The following BRINP2 variants were observed in gnomAD, a reference collection of about 807,000 sequenced individuals.
The protein encoded by BRINP2 is BMP/retinoic acid inducible neural specific 2, also known as BMP/retinoic acid-inducible neural-specific protein 2.
In BRINP2, 21 loss-of-function variants were observed where a neutral mutation model predicts 69.2. The observed-to-expected ratio is 0.30, with a 90% confidence interval of 0.22 to 0.44. The LOEUF is 0.44. Among genes scored for constraint, BRINP2 ranks in the 20% least tolerant of loss-of-function variants. BRINP2 has a pLI of 1.00. For missense variants in BRINP2, 877 were observed against 986.0 expected (o/e 0.89, Z 1.48); for synonymous variants, 380 against 394.1 (o/e 0.96, Z 0.42).
intron 4 of BRINP2, among the ~76,000 whole-genome samples, chr1:177,265,125 G>T (rs1651077537): frequency 6.6e-6 from 1 of 152,116 alleles, no homozygotes; most frequent in Non-Finnish European, 1.5e-5. Context: ...CAATGGAACA[G>T]AACAGAGGCC....
chr1:177,192,611 TA>T (rs1648624903), intron 1 of BRINP2, among the ~76,000 whole-genome samples: 1 of 152,214 alleles, frequency 6.6e-6, no homozygotes, highest in Non-Finnish European at 1.5e-5. Flanking sequence ...CTCCCTGGTA[TA>T]GATGAGTTTC....
chr1:177,253,876 C>A (rs969707256), intron 2 of BRINP2, among the ~76,000 whole-genome samples: 2 of 151,946 alleles, frequency 1.3e-5, no homozygotes, highest in Admixed American at 1.3e-4. Context: ...CTATCATTTG[C>A]ATTTCATGGA....
At chr1:177,184,032 T>C (rs1648343116) in intron 1 of BRINP2, among the ~76,000 whole-genome samples, 1 of 152,212 alleles carries the variant, frequency 6.6e-6, no homozygotes, top group Non-Finnish European at 1.5e-5. Flanking sequence ...CAGTTCCCCA[T>C]ACACATCGAC....
chr1:177,202,117 G>A lies in BRINP2; in HGVS notation c.-76-27684G>A, dbSNP rs529026422. Among the ~76,000 whole-genome samples, 37 of 151,118 alleles carry A rather than the reference G, an allele frequency of 2.4e-4. 1 individual carries two copies. The highest frequency in any genetic ancestry group is 2.1e-3 in the South Asian group (10 of 4,766). Reference sequence around the variant, plus strand: ...TTTCTTCTTTATTAGTCTTGCTAGCGGTCTATCAATTTTGTTGATCTTTTC... The same window carrying A: ...TTTCTTCTTTATTAGTCTTGCTAGCAGTCTATCAATTTTGTTGATCTTTTC... On this transcript the variant is annotated intron_variant, in intron 1 of 7. Coordinates refer to ENST00000361539, the MANE Select transcript of BRINP2 (RefSeq NM_021165.4).
At chr1:177,212,344 G>A (rs993644388) in intron 1 of BRINP2, among the ~76,000 whole-genome samples, 8 of 152,144 alleles carry the variant, frequency 5.3e-5, no homozygotes, top group Non-Finnish European at 8.8e-5. Context: ...AGGAGATCGA[G>A]ACCATCCCAG....
At chr1:177,253,507 GTTTCC>G (rs758404365) in intron 2 of BRINP2, among the ~76,000 whole-genome samples, 1 of 152,042 alleles carries the variant, frequency 6.6e-6, no homozygotes, top group Admixed American at 6.6e-5. Flanking sequence ...TCGCTCTGTT[GTTTCC>G]TTTGCTATGC....
At chr1:177,226,179 C>A (rs1016960766) in intron 1 of BRINP2, among the ~76,000 whole-genome samples, 5 of 152,212 alleles carry the variant, frequency 3.3e-5, no homozygotes, top group African/African-American at 1.2e-4. Flanking sequence ...GGTGACTACA[C>A]CACCATATTG....
intron 4 of BRINP2, among the ~76,000 whole-genome samples, chr1:177,268,070 G>A (rs1035047441): frequency 6.6e-6 from 1 of 152,114 alleles, no homozygotes; most frequent in Non-Finnish European, 1.5e-5. Context: ...ACTTAGCAAG[G>A]TCTAGAGACC....
chr1:177,281,042 C>T lies in BRINP2; in HGVS notation c.1866C>T (p.Ala622=). 1 of 1,614,160 alleles carries T rather than the reference C, an allele frequency of 6.2e-7. No individual in the cohort carries two copies. Among genetic ancestry groups the T allele is most frequent in the Non-Finnish European group, 8.5e-7 (1 of 1,180,028 alleles). Residue 622 remains alanine (A), a synonymous_variant, in exon 8 of 8, where the codon GCC becomes GCT. Transcript: ENST00000361539. The part of the protein sequence containing the change: ...DWERTNVDAA[A]QCQNWTITLG... ...AAAGGACTAACGTGGATGCAGCTGC[C>T]CAGTGCCAAAACTGGACTATCACCT...
intron 1 of BRINP2, among the ~76,000 whole-genome samples, chr1:177,200,609 G>T (rs1648883590): frequency 6.6e-6 from 1 of 151,922 alleles, no homozygotes; most frequent in African/African-American, 2.4e-5. Context: ...TGCCGTGTTT[G>T]GTTTCTATCT....
chr1:177,204,105 G>C (rs72720766), intron 1 of BRINP2, among the ~76,000 whole-genome samples: 7,132 of 152,244 alleles, frequency 0.047, 305 homozygotes, highest in African/African-American at 0.12. Flanking sequence ...TGGCTTTCCA[G>C]ATAATTCCAA....
intron 2 of BRINP2, among the ~76,000 whole-genome samples, chr1:177,251,975 G>C (rs1307849724): frequency 6.6e-6 from 1 of 152,130 alleles, no homozygotes; most frequent in East Asian, 1.9e-4. Context: ...AGGGGGCTGG[G>C]TTTGATGACC....
At chr1:177,211,450 T>C (rs534577924) in intron 1 of BRINP2, among the ~76,000 whole-genome samples, 5 of 152,340 alleles carry the variant, frequency 3.3e-5, no homozygotes, top group African/African-American at 1.2e-4. Flanking sequence ...GTACTTGTCA[T>C]GCCTCTTCAG....
At chr1:177,204,565 C>CTTA (rs900275668) in intron 1 of BRINP2, among the ~76,000 whole-genome samples, 1 of 152,072 alleles carries the variant, frequency 6.6e-6, no homozygotes, top group East Asian at 1.9e-4. Context: ...GTCAAATGGG[C>CTTA]TTATGCAAGT....
At chr1:177,266,448 C>G (rs1651124279) in intron 4 of BRINP2, among the ~76,000 whole-genome samples, 1 of 151,994 alleles carries the variant, frequency 6.6e-6, no homozygotes. Context: ...CTCCCCCTCA[C>G]CCTTTGCTCA....
chr1:177,226,249 A>G (rs1649687085), intron 1 of BRINP2, among the ~76,000 whole-genome samples: 1 of 152,232 alleles, frequency 6.6e-6, no homozygotes, highest in South Asian at 2.1e-4. Context: ...ACATGTTTTC[A>G]GTAGCTCACA....
intron 4 of BRINP2, among the ~76,000 whole-genome samples, chr1:177,265,820 G>A (rs549596545): frequency 2.6e-5 from 4 of 152,116 alleles, no homozygotes; most frequent in East Asian, 1.9e-4. Flanking sequence ...TTTTCCATGA[G>A]GTTTAATAAT....
intron 7 of BRINP2, among the ~76,000 whole-genome samples, chr1:177,280,109 G>A (rs1651642160): frequency 6.6e-6 from 1 of 151,384 alleles, no homozygotes; most frequent in Non-Finnish European, 1.5e-5. Flanking sequence ...AAAAGATGCT[G>A]GAGATCCTCT....
In BRINP2 at chr1:177,229,693, A is replaced by G. The variant is rs1385704123; in HGVS notation, c.-76-108A>G. The G allele has an allele frequency of 6.9e-6, 5 of 720,928 alleles. No homozygotes were observed. In the East Asian group the frequency reaches 1.2e-4, roughly 18 times the overall value. 44.7% of individuals were successfully genotyped at this position (720,928 alleles called of 1,614,324 possible). Reference sequence around the variant, plus strand: ...TAAATGCCGAGAACGAAGTTATGTTACTAGCATAAAGGATTTCCGGAATGG... The same window carrying G: ...TAAATGCCGAGAACGAAGTTATGTTGCTAGCATAAAGGATTTCCGGAATGG... On this transcript the variant is annotated intron_variant, in intron 1 of 7. Transcript: ENST00000361539.
Sources: allele counts gnomAD v4.1 joint callset (sites outside exome capture counted in the v4.1 genomes callset), GRCh38; gene constraint gnomAD v4.1.1; transcripts MANE v1.5; gene names NCBI Gene and HGNC (gene_info 2026-07-23, HGNC 2026-07-21).